HECW1: variants seen among roughly 807,000 people sequenced by gnomAD.
HECW1 encodes E3 ubiquitin-protein ligase HECW1.
A neutral mutation model predicts 182.3 loss-of-function variants in HECW1; 61 were observed. The observed-to-expected ratio is 0.33, with a 90% CI of 0.27 to 0.41. HECW1 has a LOEUF of 0.41. HECW1 is among the 10% of genes least tolerant of loss of function. The probability of loss-of-function intolerance (pLI) is 1.00; values close to 1 mark genes in which losing one functional copy is unlikely to be tolerated. For synonymous variants in HECW1, 859 were observed against 832.6 expected (o/e 1.03, Z -0.55); for missense variants, 1,739 against 2,108.9 (o/e 0.82, Z 3.44).
chr7:43,411,045 ATT>A lies in HECW1; in HGVS notation c.801+3326_801+3327del, dbSNP rs35153636. Among the ~76,000 whole-genome samples, 10 of 141,526 alleles carry A rather than the reference ATT, an allele frequency of 7.1e-5. No individual in the cohort carries two copies. The East Asian group carries it at 1.1e-3, about 15-fold the overall frequency. 92.8% of individuals were successfully genotyped at this position (141,526 alleles called of 152,430 possible). On this transcript the variant is annotated intron_variant, in intron 8 of 29. Coordinates refer to ENST00000395891, the MANE Select transcript of HECW1 (RefSeq NM_015052.5). ...TTATTTATCTCCTTTATTGCCTTCT[ATT>A]TTTTTTTTTTTAGCTCCTTAGGGTA...
At chr7:43,259,347 G>T (rs566658487) in intron 3 of HECW1, among the ~76,000 whole-genome samples, 1 of 151,170 alleles carries the variant, frequency 6.6e-6, no homozygotes, top group Non-Finnish European at 1.5e-5. Context: ...AGATCGCAGT[G>T]CTGCGCTCCA....
Position 43,311,878 on chromosome 7 carries a change from T to TG in HECW1, c.143_144insG (p.Phe48LeufsTer24). ...CGATACAGCTACAACCCCGACCAGT[T>TG]CCACAACATGGACCTCAGGGGCGGC... On this transcript the variant is annotated frameshift_variant, in exon 4 of 30. Coordinates refer to ENST00000395891, the MANE Select transcript of HECW1 (RefSeq NM_015052.5). LOFTEE classifies it high-confidence loss of function. 6.2e-7 allele frequency: 1 copy of TG among 1,614,170 alleles called. No individual in the cohort carries two copies.
In HECW1 at chr7:43,541,231, C is replaced by T. The variant is rs2152953496; in HGVS notation, c.4088C>T (p.Thr1363Met). ...CAGTACCTTCTTGACGCTTTCTTCA[C>T]GAGGCCCTTCTACAAGGCACTCCTG... ...IHQYLLDAFF[T>M]RPFYKALLRL... is the part of the protein sequence containing the mutation. Residue 1363 changes from threonine (T) to methionine (M), a missense_variant, in exon 25 of 30, where the codon ACG becomes ATG. Thr to Met is a moderately conservative substitution (Grantham distance 81). Around this residue, in one of 5 missense-constraint regions of HECW1, gnomAD observed 420 missense variants for 595.7 expected, o/e 0.71. Coordinates refer to ENST00000395891, the MANE Select transcript of HECW1 (RefSeq NM_015052.5). 4 of 1,614,130 alleles carry T rather than the reference C, an allele frequency of 2.5e-6. No individual in the cohort carries two copies. The highest frequency in any genetic ancestry group is 2.2e-5 in the East Asian group (1 of 44,888).
At chr7:43,277,705 T>C (rs1222120045) in intron 3 of HECW1, among the ~76,000 whole-genome samples, 2 of 152,174 alleles carry the variant, frequency 1.3e-5, no homozygotes, top group Non-Finnish European at 2.9e-5. Flanking sequence ...TTCTCCCCTC[T>C]TCCAGCAGAA....
In HECW1 at chr7:43,202,246, C is replaced by T. The variant is rs74783680; in HGVS notation, c.-31-41629C>T. On this transcript the variant is annotated intron_variant, in intron 2 of 29. Coordinates refer to ENST00000395891, the MANE Select transcript of HECW1 (RefSeq NM_015052.5). ...CTAGAGTCTGCACAATGCACACTGT[C>T]CTCTCCCAACAGTTTTCTCATTTGT... Among the ~76,000 whole-genome samples the T allele has an allele frequency of 6.6e-4, 100 of 152,272 alleles. 1 individual carries two copies. In the East Asian group the frequency reaches 0.018, roughly 28 times the overall value.
chr7:43,281,395 A>G (rs958934918), intron 3 of HECW1, among the ~76,000 whole-genome samples: 1 of 152,184 alleles, frequency 6.6e-6, no homozygotes, highest in Non-Finnish European at 1.5e-5. Flanking sequence ...AGCTCTATAC[A>G]TGAATTAGCC....
At chr7:43,529,960 T>A (rs1174685555) in intron 24 of HECW1, among the ~76,000 whole-genome samples, 1 of 151,758 alleles carries the variant, frequency 6.6e-6, no homozygotes, top group East Asian at 1.9e-4. Flanking sequence ...TTTATTTATT[T>A]TTTTTTTGAG....
At chr7:43,465,123 A>G (rs917588953) in intron 14 of HECW1, among the ~76,000 whole-genome samples, 2 of 152,180 alleles carry the variant, frequency 1.3e-5, no homozygotes, top group Admixed American at 6.5e-5. Flanking sequence ...TCTTTGTTCA[A>G]ACTTCTGAGA....
intron 24 of HECW1, among the ~76,000 whole-genome samples, chr7:43,517,041 T>C (rs2080188191): frequency 6.6e-6 from 1 of 152,232 alleles, no homozygotes; most frequent in Non-Finnish European, 1.5e-5. Flanking sequence ...TTAACTGAAA[T>C]GTGGTTATGT....
intron 8 of HECW1, among the ~76,000 whole-genome samples, chr7:43,418,189 G>A (rs2076073740): frequency 6.6e-6 from 1 of 152,220 alleles, no homozygotes; most frequent in Non-Finnish European, 1.5e-5. Context: ...CGGGATTAGG[G>A]CCCACCCTAA....
intron 7 of HECW1, among the ~76,000 whole-genome samples, chr7:43,405,477 A>T (rs1584789376): frequency 6.6e-6 from 1 of 152,232 alleles, no homozygotes; most frequent in East Asian, 1.9e-4. Flanking sequence ...CTCCCGGTGG[A>T]GTTACACAGA....
intron 2 of HECW1, among the ~76,000 whole-genome samples, chr7:43,138,737 C>G (rs147618386): frequency 6.6e-6 from 1 of 152,058 alleles, no homozygotes; most frequent in Non-Finnish European, 1.5e-5. Context: ...AGTTTTAGGA[C>G]GGAGTATTCC....
rs372031529 is a variant in HECW1, at chr7:43,170,574, C to T, written c.-32+56183C>T. ...GTGAACAGACCCGGAAGGGACAGCACACTCTCACTGGCAGAGGTCAGGGTG... is the reference window on the plus strand; with the variant it reads ...GTGAACAGACCCGGAAGGGACAGCATACTCTCACTGGCAGAGGTCAGGGTG... On this transcript the variant is annotated intron_variant, in intron 2 of 29. Coordinates refer to ENST00000395891, the MANE Select transcript of HECW1 (RefSeq NM_015052.5). 8.5e-5 allele frequency among the ~76,000 whole-genome samples: 13 copies of T among 152,288 alleles called. 1 individual carries two copies. The South Asian group carries it at 2.3e-3, about 27-fold the overall frequency.
At chr7:43,451,721 C>A (rs1244931946) in intron 12 of HECW1, among the ~76,000 whole-genome samples, 9 of 152,154 alleles carry the variant, frequency 5.9e-5, no homozygotes, top group Admixed American at 2.0e-4. Flanking sequence ...ATTGATACCC[C>A]AGACATTATA....
At chr7:43,418,402 G>A (rs762131512) in intron 8 of HECW1, among the ~76,000 whole-genome samples, 5 of 152,052 alleles carry the variant, frequency 3.3e-5, no homozygotes, top group Non-Finnish European at 5.9e-5. Flanking sequence ...AAGGAAGTTT[G>A]GCCATTATTT....
chr7:43,460,312 A>C (rs2077538328), intron 13 of HECW1, among the ~76,000 whole-genome samples: 1 of 152,234 alleles, frequency 6.6e-6, no homozygotes, highest in African/African-American at 2.4e-5. Context: ...TTGTTGATGT[A>C]AGAGGTGCTC....
chr7:43,147,624 A>G (rs1036357042), intron 2 of HECW1: 1 of 152,180 alleles, frequency 6.6e-6, no homozygotes, highest in African/African-American at 2.4e-5. Flanking sequence ...AAATTTCTTT[A>G]GTTTAAAATC....
chr7:43,530,305 A>G (rs1191509682), intron 24 of HECW1, among the ~76,000 whole-genome samples: 1 of 151,690 alleles, frequency 6.6e-6, no homozygotes, highest in African/African-American at 2.4e-5. Flanking sequence ...ACAAACTCCT[A>G]TTTGAAACTC....
At chr7:43,412,700 G>A (rs903489471) in intron 8 of HECW1, among the ~76,000 whole-genome samples, 23 of 150,180 alleles carry the variant, frequency 1.5e-4, no homozygotes, top group Non-Finnish European at 2.2e-4. Context: ...GAGAATATGC[G>A]GTGTTTGGTT....
Sources: allele counts gnomAD v4.1 joint callset (sites outside exome capture counted in the v4.1 genomes callset), GRCh38; gene constraint gnomAD v4.1.1; regional missense constraint gnomAD v4.1.1; transcripts MANE v1.5; gene names NCBI Gene and HGNC (gene_info 2026-07-23, HGNC 2026-07-21).